MAMLD1: variants seen among roughly 807,000 people sequenced by gnomAD.
MAMLD1 encodes mastermind like domain containing 1, also known as mastermind-like domain-containing protein 1.
A neutral mutation model predicts 45.0 loss-of-function variants in MAMLD1; 14 were observed. The observed-to-expected ratio is 0.31, with a 90% CI of 0.21 to 0.49. MAMLD1 has a LOEUF of 0.49. Among genes scored for constraint, MAMLD1 ranks in the 20% least tolerant of loss-of-function variants. The pLI is 0.99. For synonymous variants in MAMLD1, 254 were observed against 247.8 expected, an observed-to-expected ratio of 1.02 and a Z score of -0.24; for missense variants, 543 against 603.6, an observed-to-expected ratio of 0.90 and a Z score of 1.05.
At chrX:150,381,245 A>C (rs1327183525) in intron 1 of MAMLD1, among the ~76,000 whole-genome samples, 7 of 112,124 alleles carry the variant, frequency 6.2e-5, no homozygotes, top group African/African-American at 2.3e-4. Context: ...AGATAATTGT[A>C]GAGTCACATA....
intron 5 of MAMLD1, among the ~76,000 whole-genome samples, chrX:150,482,808 T>C (rs1322888192): frequency 8.9e-6 from 1 of 112,474 alleles, no homozygotes; most frequent in East Asian, 2.8e-4. Flanking sequence ...TTGAGCATAA[T>C]GGCTGTCCCT....
chrX:150,497,200 C>T (rs2037405849), intron 5 of MAMLD1, among the ~76,000 whole-genome samples: 1 of 111,530 alleles, frequency 9.0e-6, no homozygotes, highest in East Asian at 2.8e-4. Context: ...ATTTACAGAA[C>T]AGATCCACCA....
intron 1 of MAMLD1, among the ~76,000 whole-genome samples, chrX:150,400,577 C>T (rs781959578): frequency 2.8e-4 from 31 of 111,840 alleles, no homozygotes; most frequent in East Asian, 2.2e-3. Flanking sequence ...CCATTCAGTA[C>T]GATATTGGCT....
At chrX:150,476,725 G>A (rs782676836) in intron 5 of MAMLD1, among the ~76,000 whole-genome samples, 9 of 113,187 alleles carry the variant, frequency 8.0e-5, no homozygotes, top group Non-Finnish European at 1.1e-4. Context: ...TATGGAGAGG[G>A]TAGAGAAGGG....
In MAMLD1 at chrX:150,384,910, A is replaced by AT. The variant is rs1290515202; in HGVS notation, c.-64+21387dup. Among the ~76,000 whole-genome samples, 5 of 111,454 alleles carry AT rather than the reference A, an allele frequency of 4.5e-5. No individual in the cohort carries two copies. The East Asian group carries it at 1.1e-3, about 25-fold the overall frequency. ...ACATCCATTACCTCTCATAATTACC[A>AT]TTTTTTTGTGTATATATGTGTGTGG... On this transcript the variant is annotated intron_variant, in intron 1 of 7. Coordinates refer to ENST00000370401, the MANE Select transcript of MAMLD1 (RefSeq NM_005491.5).
chrX:150,372,115 G>A lies in MAMLD1; in HGVS notation c.-64+8585G>A, dbSNP rs925902393. On this transcript the variant is annotated intron_variant, in intron 1 of 7. Transcript: ENST00000370401. ...GAAATGCAGCCAATGGAGGGGGAGC[G>A]CTTGTAACTGTGGCGTAATATAATC... 7.1e-5 allele frequency among the ~76,000 whole-genome samples: 8 copies of A among 112,103 alleles called. No individual in the cohort carries two copies. In the South Asian group the frequency reaches 1.1e-3, roughly 16 times the overall value.
chrX:150,510,154 T>C (rs1477190623), intron 7 of MAMLD1, 108 bp downstream of exon 7: 2 of 510,442 alleles, frequency 3.9e-6, no homozygotes, highest in East Asian at 3.5e-5. Context: ...TCTGAAAGCA[T>C]TGAGAAAGAG....
intron 1 of MAMLD1, among the ~76,000 whole-genome samples, chrX:150,425,558 C>T (rs1244115984): frequency 8.9e-6 from 1 of 112,178 alleles, no homozygotes; most frequent in East Asian, 2.8e-4. Flanking sequence ...CTCCAGCACA[C>T]CAAGTCATCC....
intron 1 of MAMLD1, among the ~76,000 whole-genome samples, chrX:150,381,213 T>C (rs1015594188): frequency 5.3e-5 from 6 of 112,237 alleles, no homozygotes; most frequent in African/African-American, 1.3e-4. Flanking sequence ...TTTATTGTGA[T>C]TTTTAACAGC....
chrX:150,380,856 G>A (rs952298570), intron 1 of MAMLD1, among the ~76,000 whole-genome samples: 4 of 109,489 alleles, frequency 3.7e-5, no homozygotes, highest in African/African-American at 1.3e-4. Context: ...ACCACACTTG[G>A]CTAAATTTTT....
chrX:150,415,364 G>A (rs376779514), intron 1 of MAMLD1, among the ~76,000 whole-genome samples: 13 of 112,517 alleles, frequency 1.2e-4, no homozygotes, highest in East Asian at 5.6e-4. Context: ...AAAGGTAAGC[G>A]TCATTAAAAC....
intron 5 of MAMLD1, among the ~76,000 whole-genome samples, chrX:150,478,099 G>A (rs1341833047): frequency 1.8e-5 from 2 of 112,299 alleles, no homozygotes; most frequent in Non-Finnish European, 3.8e-5. Context: ...AGCCCACTCA[G>A]TAGGGCATAA....
intron 2 of MAMLD1, among the ~76,000 whole-genome samples, chrX:150,450,497 C>T (rs1433000290): frequency 9.0e-6 from 1 of 111,519 alleles, no homozygotes; most frequent in African/African-American, 3.3e-5. Context: ...GGCAACTGTC[C>T]CTGCCACTTA....
chrX:150,380,387 C>A (rs1476214773), intron 1 of MAMLD1, among the ~76,000 whole-genome samples: 3 of 110,925 alleles, frequency 2.7e-5, no homozygotes, highest in African/African-American at 9.8e-5. Flanking sequence ...TAGTCTTTTA[C>A]CCTCAATTTT....
chrX:150,390,470 G>A (rs2033129146), intron 1 of MAMLD1, among the ~76,000 whole-genome samples: 1 of 111,813 alleles, frequency 8.9e-6, no homozygotes, highest in Non-Finnish European at 1.9e-5. Flanking sequence ...ATATTACATT[G>A]TATAATTTTC....
rs377403687 is a variant in MAMLD1, at chrX:150,503,510, C to T, written c.2277C>T (p.Asp759=). The change falls in exon 6 of 8, where the codon GAC becomes GAT. Residue 759 remains aspartate, a synonymous_variant. Coordinates refer to ENST00000370401, the MANE Select transcript of MAMLD1 (RefSeq NM_005491.5). The stretch of plus-strand genomic sequence containing the variant: ...CCGCTCCACTACTGCCTAGCTGCGA[C>T]GCCACAGGTAAGTCACTTCCCCCTG... The part of the protein sequence containing the change: ...QVPAPLLPSC[D]ATARGTEIRS... 3.5e-5 allele frequency: 39 copies of T among 1,101,307 alleles called. No homozygotes were observed. In the African/African-American group the frequency reaches 4.0e-4, roughly 11 times the overall value. The allele number at this position is 1,101,307 out of a possible 1,213,427, so 90.8% of individuals were successfully genotyped here.
intron 1 of MAMLD1, among the ~76,000 whole-genome samples, chrX:150,367,739 G>C (rs782588276): frequency 9.4e-6 from 1 of 106,270 alleles, no homozygotes; most frequent in Admixed American, 1.0e-4. Context: ...GCCCCGGTGT[G>C]TGATGTTCCC....
chrX:150,476,257 T>A (rs1211008931), intron 5 of MAMLD1, among the ~76,000 whole-genome samples: 1 of 111,779 alleles, frequency 8.9e-6, no homozygotes, highest in Non-Finnish European at 1.9e-5. Context: ...GGGTGATATA[T>A]CTTGATGTTT....
intron 5 of MAMLD1, among the ~76,000 whole-genome samples, chrX:150,478,769 G>A (rs1264683442): frequency 1.8e-5 from 2 of 112,451 alleles, no homozygotes; most frequent in Non-Finnish European, 3.8e-5. Flanking sequence ...TTTCCTGAAT[G>A]AGCATTCTTA....
Sources: allele counts gnomAD v4.1 joint callset (sites outside exome capture counted in the v4.1 genomes callset), GRCh38; gene constraint gnomAD v4.1.1; transcripts MANE v1.5; gene names NCBI Gene and HGNC (gene_info 2026-07-23, HGNC 2026-07-21).